SYNPO2: variants seen among roughly 807,000 people sequenced by gnomAD.
SYNPO2 encodes the protein synaptopodin 2, also known as synaptopodin-2.
In SYNPO2, 56 loss-of-function variants were observed where a neutral mutation model predicts 85.0. That is an observed-to-expected ratio of 0.66 (90% CI 0.53 to 0.82). The LOEUF (loss-of-function observed/expected upper bound fraction) is 0.82, where lower values mean the gene tolerates loss of function less well. SYNPO2 is among the 40% of genes least tolerant of loss of function. The probability of loss-of-function intolerance (pLI) is 0.00; values close to 1 mark genes in which losing one functional copy is unlikely to be tolerated. For synonymous variants in SYNPO2, 602 were observed against 591.1 expected, an observed-to-expected ratio of 1.02 and a Z score of -0.27; for missense variants, 1,575 against 1,534.2, an observed-to-expected ratio of 1.03 and a Z score of -0.44.
intron 1 of SYNPO2, among the ~76,000 whole-genome samples, chr4:118,897,654 A>G (rs1732591847): frequency 6.6e-6 from 1 of 152,208 alleles, no homozygotes; most frequent in Non-Finnish European, 1.5e-5. Flanking sequence ...ATATAATGAC[A>G]GAACTCTGAG....
At chr4:119,009,102 T>A (rs1173097424) in intron 1 of SYNPO2, among the ~76,000 whole-genome samples, 1 of 152,256 alleles carries the variant, frequency 6.6e-6, no homozygotes, top group African/African-American at 2.4e-5. Context: ...CAATGTGTTG[T>A]TACATTCCAT....
chr4:118,893,137 C>T (rs78351374), intron 1 of SYNPO2, among the ~76,000 whole-genome samples: 2,693 of 152,180 alleles, frequency 0.018, 34 homozygotes, highest in South Asian at 0.039. Flanking sequence ...ATCACTTAAT[C>T]TTTAAATTGA....
intron 1 of SYNPO2, among the ~76,000 whole-genome samples, chr4:118,976,297 G>T (rs925451941): frequency 6.6e-6 from 1 of 152,096 alleles, no homozygotes; most frequent in African/African-American, 2.4e-5. Flanking sequence ...AAGGCAGCGC[G>T]TCTGGAGTTA....
At chr4:118,888,630 T>A (rs1353729304), upstream of SYNPO2, among the ~76,000 whole-genome samples, 2 of 152,230 alleles carry the variant, frequency 1.3e-5, no homozygotes, top group Non-Finnish European at 2.9e-5. Context: ...TCAATCATAC[T>A]TATACCATTA....
chr4:119,041,367 CA>C (rs1475655209), intron 4 of SYNPO2, among the ~76,000 whole-genome samples: 1 of 152,136 alleles, frequency 6.6e-6, no homozygotes, highest in African/African-American at 2.4e-5. Flanking sequence ...GAAATGTTCA[CA>C]AAACCATTTT....
chr4:118,867,525 A>G (rs1311585271), intron 1 of SYNPO2, among the ~76,000 whole-genome samples: 3 of 151,140 alleles, frequency 2.0e-5, no homozygotes, highest in Admixed American at 2.0e-4. Context: ...CTGTTGCAAA[A>G]GTGTAATTAT....
At chr4:119,046,464 G>A (rs967379270) in intron 4 of SYNPO2, among the ~76,000 whole-genome samples, 39 of 152,312 alleles carry the variant, frequency 2.6e-4, no homozygotes, top group Non-Finnish European at 1.0e-4. Flanking sequence ...CCTCGGAGGC[G>A]TGCACTGCTA....
chr4:118,979,273 T>TA (rs1370048153), intron 1 of SYNPO2, among the ~76,000 whole-genome samples: 3 of 152,216 alleles, frequency 2.0e-5, no homozygotes, highest in Non-Finnish European at 4.4e-5. Flanking sequence ...CCTACTGCCG[T>TA]AGCGTTGTTT....
intron 1 of SYNPO2, among the ~76,000 whole-genome samples, chr4:118,906,950 G>A (rs1732957329): frequency 6.6e-6 from 1 of 151,860 alleles, no homozygotes; most frequent in African/African-American, 2.4e-5. Context: ...TAGGACCACA[G>A]GTGTGTGCCA....
chr4:118,951,406 G>A (rs1202246422), intron 1 of SYNPO2, among the ~76,000 whole-genome samples: 6 of 152,166 alleles, frequency 3.9e-5, no homozygotes. Context: ...CTGTCCTCAT[G>A]ACTTAGTCAC....
At chr4:118,931,840 A>G (rs1159003271) in intron 1 of SYNPO2, among the ~76,000 whole-genome samples, 1 of 152,216 alleles carries the variant, frequency 6.6e-6, no homozygotes, top group Non-Finnish European at 1.5e-5. Context: ...GGACTGCCTT[A>G]CACATAATAA....
At chr4:119,011,523 A>G (rs1737301997) in intron 1 of SYNPO2, among the ~76,000 whole-genome samples, 1 of 152,140 alleles carries the variant, frequency 6.6e-6, no homozygotes, top group African/African-American at 2.4e-5. Flanking sequence ...ATGGGAGCAA[A>G]TCTTTTCCAC....
At chr4:119,007,231 T>TATATATATATATAC (rs1737075123) in intron 1 of SYNPO2, among the ~76,000 whole-genome samples, 13 of 49,282 alleles carry the variant, frequency 2.6e-4, no homozygotes, top group African/African-American at 1.1e-3. Flanking sequence ...TATATATATA[T>TATATATATATATAC]ATATATATAT....
chr4:118,935,540 T>A (rs1734073066), intron 1 of SYNPO2, among the ~76,000 whole-genome samples: 1 of 152,264 alleles, frequency 6.6e-6, no homozygotes, highest in South Asian at 2.1e-4. Context: ...CATAGAAGAT[T>A]ATAATACCAT....
At chr4:118,896,572 A>G (rs1463394198) in intron 1 of SYNPO2, among the ~76,000 whole-genome samples, 1 of 152,208 alleles carries the variant, frequency 6.6e-6, no homozygotes. Context: ...TTATTTGACA[A>G]CCTCAATGAG....
intron 1 of SYNPO2, among the ~76,000 whole-genome samples, chr4:118,946,265 G>A (rs539267075): frequency 1.5e-4 from 23 of 152,258 alleles, no homozygotes; most frequent in Middle Eastern, 3.4e-3. Context: ...GTATCCTACC[G>A]TAATGTATAT....
At chr4:119,018,988 A>C (rs1269923283) in intron 1 of SYNPO2, among the ~76,000 whole-genome samples, 2 of 152,162 alleles carry the variant, frequency 1.3e-5, no homozygotes, top group Non-Finnish European at 2.9e-5. Flanking sequence ...GCATGTTCTC[A>C]CTTATAAGTG....
intron 1 of SYNPO2, among the ~76,000 whole-genome samples, chr4:118,879,150 C>T (rs1440786987): frequency 6.6e-6 from 1 of 152,180 alleles, no homozygotes; most frequent in African/African-American, 2.4e-5. Context: ...CCCGACACAT[C>T]TGAACATCTG....
chr4:118,964,800 T>C (rs1189127088), intron 1 of SYNPO2, among the ~76,000 whole-genome samples: 1 of 152,126 alleles, frequency 6.6e-6, no homozygotes, highest in African/African-American at 2.4e-5. Flanking sequence ...TAGATGTTCT[T>C]ACAAACAAGA....
Sources: allele counts gnomAD v4.1 joint callset (sites outside exome capture counted in the v4.1 genomes callset), GRCh38; gene constraint gnomAD v4.1.1; transcripts MANE v1.5; gene names NCBI Gene and HGNC (gene_info 2026-07-23, HGNC 2026-07-21).